Variants in POP1 observed in about 807,000 individuals in gnomAD.
POP1 encodes the protein ribonucleases P/MRP protein subunit POP1.
POP1 carries 75 observed loss-of-function variants against 102.2 expected under a neutral mutation model. That is an observed-to-expected ratio of 0.73 (90% CI 0.61 to 0.89). The LOEUF (loss-of-function observed/expected upper bound fraction) is 0.89, where lower values mean the gene tolerates loss of function less well. POP1 is among the 40% of genes least tolerant of loss of function. POP1 has a pLI of 0.00. For missense variants in POP1, 1,116 were observed against 1,267.4 expected (o/e 0.88, Z 1.81); for synonymous variants, 436 against 464.1 (o/e 0.94, Z 0.78).
At chr8:98,136,792 C>T in intron 8 of POP1, 54 bp downstream of exon 8, 3 of 1,608,784 alleles carry the variant, frequency 1.9e-6, no homozygotes, top group Non-Finnish European at 2.6e-6. Flanking sequence ...AAGACCTGCT[C>T]CATTTTTGTC....
Position 98,123,324 on chromosome 8 carries a change from C to T in POP1, c.-2-12C>T, listed in dbSNP as rs1439447244. 1 of 1,612,354 alleles carries T rather than the reference C, an allele frequency of 6.2e-7. No homozygotes were observed. The highest frequency in any genetic ancestry group is 8.5e-7 in the Non-Finnish European group (1 of 1,178,830). The stretch of plus-strand genomic sequence containing the variant: ...TCCTTTCCCTGTATTAAATGTATTA[C>T]TTCCTTTCCAGAAATGTCAAATGCA... On this transcript the variant is annotated splice_polypyrimidine_tract_variant and intron_variant, in intron 1 of 15. Transcript: ENST00000401707.
chr8:98,158,509 A>T lies in POP1; in HGVS notation c.*238A>T. 1.9e-6 allele frequency: 1 copy of T among 517,040 alleles called. No individual in the cohort carries two copies. The highest frequency in any genetic ancestry group is 3.2e-5 in the Admixed American group (1 of 30,954). 32.0% of individuals were successfully genotyped at this position (517,040 alleles called of 1,614,324 possible). The stretch of plus-strand genomic sequence containing the variant: ...TAAATTATTTGGCCAAAAGCTTTGT[A>T]TTATGATCTCTTGGTCTGTGTAGTT... On this transcript the variant is annotated 3_prime_UTR_variant, in exon 16 of 16. Coordinates refer to ENST00000401707, the MANE Select transcript of POP1 (RefSeq NM_001145860.2).
chr8:98,125,632 C>T (rs546605116), intron 2 of POP1, among the ~76,000 whole-genome samples: 75 of 152,210 alleles, frequency 4.9e-4, no homozygotes, highest in South Asian at 6.2e-4. Flanking sequence ...CCTCTGCCTC[C>T]CGGGTTCAAG....
At chr8:98,124,861 G>A (rs1816150343) in intron 2 of POP1, among the ~76,000 whole-genome samples, 1 of 152,200 alleles carries the variant, frequency 6.6e-6, no homozygotes, top group South Asian at 2.1e-4. Context: ...GAAGATCACA[G>A]TTGTTCATTA....
chr8:98,156,388 C>G lies in POP1; in HGVS notation c.2396C>G (p.Thr799Arg), dbSNP rs750402989. Reference protein sequence around the residue: ...QEASENHVAATGSHLCVLRSR... With the variant: ...QEASENHVAARGSHLCVLRSR... ...GCCAGTGAAAACCATGTTGCTGCCA[C>G]AGGGAGTCACCTCTGCGTTCTCAGG... Residue 799 changes from threonine to arginine, a missense_variant, in exon 15 of 16, where the codon ACA becomes AGA. Transcript: ENST00000401707. The G allele has an allele frequency of 1.4e-5, 22 of 1,613,828 alleles. No homozygotes were observed. The highest frequency in any genetic ancestry group is 1.9e-5 in the Non-Finnish European group (22 of 1,180,000).
intron 2 of POP1, among the ~76,000 whole-genome samples, chr8:98,127,071 A>C (rs1816226755): frequency 1.3e-5 from 2 of 152,106 alleles, no homozygotes; most frequent in African/African-American, 4.8e-5. Flanking sequence ...CTTCTGGTTC[A>C]TATACAGCAC....
chr8:98,134,143 G>A (rs576025723), intron 6 of POP1, 107 bp downstream of exon 6: 1 of 853,526 alleles, frequency 1.2e-6, no homozygotes, highest in East Asian at 2.5e-5. Context: ...ATAGAAAAGT[G>A]TGTGAGACAC....
At chr8:98,131,123 A>G (rs1816368521) in intron 5 of POP1, among the ~76,000 whole-genome samples, 1 of 152,266 alleles carries the variant, frequency 6.6e-6, no homozygotes, top group Admixed American at 6.5e-5. Flanking sequence ...TCAAATATAC[A>G]TAACAAAACC....
rs1049181764 is a variant in POP1, at chr8:98,140,992, TA to T, written c.1594+110del. On this transcript the variant is annotated intron_variant, in intron 11 of 15. Coordinates refer to ENST00000401707, the MANE Select transcript of POP1 (RefSeq NM_001145860.2). The stretch of plus-strand genomic sequence containing the variant: ...GACACCTCTCCAGTAACTTCATCTG[TA>T]AAAAATTAGGGCAGTCTCCTTACCT... 1.9e-4 allele frequency: 276 copies of T among 1,417,406 alleles called. 1 individual carries two copies. The highest frequency in any genetic ancestry group is 5.1e-5 in the Admixed American group (3 of 58,324). 87.8% of individuals were successfully genotyped at this position (1,417,406 alleles called of 1,614,324 possible).
chr8:98,133,374 A>T (rs1015788628), intron 5 of POP1, among the ~76,000 whole-genome samples: 5 of 152,180 alleles, frequency 3.3e-5, no homozygotes, highest in Non-Finnish European at 7.3e-5. Flanking sequence ...TACTGTGCTT[A>T]AAGTTGCATA....
At chr8:98,127,544 T>C in intron 2 of POP1, 51 bp from the exon 3 acceptor site, 1 of 1,602,936 alleles carries the variant, frequency 6.2e-7, no homozygotes, top group Non-Finnish European at 8.5e-7. Flanking sequence ...TTCTCCACTA[T>C]AATGTTTATC....
chr8:98,156,360 G>A lies in POP1; in HGVS notation c.2368G>A (p.Glu790Lys). The change falls in exon 15 of 16, where the codon GAG becomes AAG. Residue 790 changes from glutamate (E) to lysine (K), a missense_variant. Physicochemically the swap from Glu to Lys is moderately conservative, Grantham distance 56. Transcript: ENST00000401707. ...AGGGCCTGAGAGGATCACAGACCAGGAGGCCAGTGAAAACCATGTTGCTGC... is the reference window on the plus strand; with the variant it reads ...AGGGCCTGAGAGGATCACAGACCAGAAGGCCAGTGAAAACCATGTTGCTGC... ...SAGPERITDQEASENHVAATG... is the reference protein window; with the variant it reads ...SAGPERITDQKASENHVAATG... The A allele has an allele frequency of 1.9e-6, 3 of 1,613,994 alleles. No individual in the cohort carries two copies. The highest frequency in any genetic ancestry group is 2.5e-6 in the Non-Finnish European group (3 of 1,179,986).
intron 5 of POP1, among the ~76,000 whole-genome samples, chr8:98,130,456 G>C (rs1431810263): frequency 1.3e-5 from 2 of 152,154 alleles, no homozygotes; most frequent in East Asian, 3.8e-4. Flanking sequence ...GGTTGTAAGG[G>C]AAAAGCATAC....
chr8:98,128,221 T>C, intron 3 of POP1, 144 bp from the exon 4 acceptor site: 5 of 766,336 alleles, frequency 6.5e-6, no homozygotes, highest in Middle Eastern at 3.6e-4. Context: ...CCTTGTACCT[T>C]GTACCTATAC....
At chr8:98,157,573 C>T in intron 15 of POP1, 44 bp from the exon 16 acceptor site, 2 of 1,605,298 alleles carry the variant, frequency 1.2e-6, no homozygotes, top group Non-Finnish European at 1.7e-6. Flanking sequence ...ATATTTTTTT[C>T]TGGAACAAAA....
chr8:98,147,308 TG>T (rs1169860509), intron 12 of POP1, among the ~76,000 whole-genome samples: 1 of 152,112 alleles, frequency 6.6e-6, no homozygotes, highest in African/African-American at 2.4e-5. Context: ...CCAGACTTCT[TG>T]GGGGCAGGGT....
rs779401236 is a variant in POP1 at position 98,136,845 on chromosome 8, G to A, written c.1269-16G>A. ...GTGATGAAAGTTTCCATTTTAAGAT[G>A]TTCTTTCTTTTTCAGCGATTTGACG... On this transcript the variant is annotated splice_polypyrimidine_tract_variant and intron_variant, in intron 8 of 15. Coordinates refer to ENST00000401707, the MANE Select transcript of POP1 (RefSeq NM_001145860.2). 1.9e-6 allele frequency: 3 copies of A among 1,612,086 alleles called. No homozygotes were observed. The highest frequency in any genetic ancestry group is 2.7e-5 in the African/African-American group (2 of 74,840).
chr8:98,143,856 A>T (rs72680607), intron 11 of POP1, among the ~76,000 whole-genome samples: 19,286 of 152,232 alleles, frequency 0.13, 1,325 homozygotes, highest in Middle Eastern at 0.26. Flanking sequence ...ATATGCACTT[A>T]AATTTCCTCT....
In POP1 at chr8:98,158,260, A is replaced by G; in HGVS notation, c.3064A>G (p.Ile1022Val). 29 of 1,609,684 alleles carry G rather than the reference A, an allele frequency of 1.8e-5. No individual in the cohort carries two copies. Among genetic ancestry groups the G allele is most frequent in the Non-Finnish European group, 2.2e-5 (26 of 1,180,000 alleles). Residue 1022 changes from isoleucine (I) to valine (V), a missense_variant, in exon 16 of 16, where the codon ATT becomes GTT. By Grantham distance (29) the Ile-to-Val change is conservative. Coordinates refer to ENST00000401707, the MANE Select transcript of POP1 (RefSeq NM_001145860.2). ...GCAGTATCGATTTGCGAGGATTGCT[A>G]TTGAGGTGTGAATGCGTGCTTGTAT... The part of the protein sequence containing the change: ...SLQYRFARIA[I>V]EV
Sources: allele counts gnomAD v4.1 joint callset (sites outside exome capture counted in the v4.1 genomes callset), GRCh38; gene constraint gnomAD v4.1.1; transcripts MANE v1.5; gene names NCBI Gene and HGNC (gene_info 2026-07-23, HGNC 2026-07-21).